ADCK1: variants seen among roughly 807,000 people sequenced by gnomAD.
ADCK1 encodes aarF domain-containing protein kinase 1.
In ADCK1, 41 loss-of-function variants were observed where a neutral mutation model predicts 52.3. The ratio of observed to expected loss-of-function variants is 0.78; its 90% CI spans 0.61 to 1.02. The LOEUF is 1.02. Among genes scored for constraint, ADCK1 ranks in the 50% least tolerant of loss-of-function variants. The pLI is 0.00. For synonymous variants in ADCK1, 250 were observed against 274.6 expected (o/e 0.91, Z 0.89); for missense variants, 658 against 679.5 (o/e 0.97, Z 0.35).
intron 4 of ADCK1, 35 bp downstream of exon 4, chr14:77,859,314 G>C: frequency 3.1e-6 from 5 of 1,592,304 alleles, no homozygotes; most frequent in Admixed American, 1.7e-5. Flanking sequence ...GGCCTTGGTT[G>C]GGATGCTTCA....
Position 77,887,298 on chromosome 14 carries a change from TG to T in ADCK1, c.582+52del, listed in dbSNP as rs149600399. 2,217 of 1,491,746 alleles carry T rather than the reference TG, an allele frequency of 1.5e-3. 42 individuals are homozygous for T. The African/African-American group carries it at 0.029, about 19-fold the overall frequency. The allele number at this position is 1,491,746 out of a possible 1,614,324, so 92.4% of individuals were successfully genotyped here. On this transcript the variant is annotated intron_variant, in intron 5 of 10. Transcript: ENST00000238561. ...CCTGTGTCCTCAGTCTACATTTCCC[TG>T]GGATCCAGGCCACCTAGGTGGAACT...
intron 3 of ADCK1, among the ~76,000 whole-genome samples, chr14:77,839,538 C>G (rs554071066): frequency 1.3e-5 from 2 of 152,226 alleles, no homozygotes; most frequent in East Asian, 1.9e-4. Flanking sequence ...CAACCCTCCC[C>G]GTGCCTGTGT....
chr14:77,835,753 A>G (rs116036247), intron 3 of ADCK1, among the ~76,000 whole-genome samples: 3,989 of 152,224 alleles, frequency 0.026, 168 homozygotes, highest in African/African-American at 0.092. Context: ...CTCCCATCTT[A>G]GCCTCCCGAA....
Position 77,859,197 on chromosome 14 carries a change from C to T in ADCK1, c.341C>T (p.Thr114Met), listed in dbSNP as rs552612645. 9 of 1,614,034 alleles carry T rather than the reference C, an allele frequency of 5.6e-6. No homozygotes were observed. The African/African-American group carries it at 6.7e-5, about 12-fold the overall frequency. ...CTGTTGCCAGAGGAGTACACCAGCA[C>T]GCTGAAGGTACTGCACAGCCAGGCT... Reference protein sequence around the residue: ...DYLLPEEYTSTLKVLHSQAPQ... With the variant: ...DYLLPEEYTSMLKVLHSQAPQ... The change falls in exon 4 of 11, where the codon ACG becomes ATG. Residue 114 changes from threonine to methionine, a missense_variant. Physicochemically the swap from Thr to Met is moderately conservative, Grantham distance 81 (BLOSUM62 -1). Transcript: ENST00000238561.
chr14:77,841,965 G>T (rs2082077589), intron 3 of ADCK1, among the ~76,000 whole-genome samples: 1 of 151,874 alleles, frequency 6.6e-6, no homozygotes, highest in South Asian at 2.1e-4. Flanking sequence ...TTCTAGACCA[G>T]CTGTAGTCCC....
At chr14:77,912,196 C>G (rs1023492600) in intron 7 of ADCK1, among the ~76,000 whole-genome samples, 1 of 152,178 alleles carries the variant, frequency 6.6e-6, no homozygotes. Flanking sequence ...TCCCCAGTCC[C>G]TGGCTTTTAG....
At chr14:77,865,940 G>C (rs1337762050) in intron 4 of ADCK1, among the ~76,000 whole-genome samples, 1 of 152,138 alleles carries the variant, frequency 6.6e-6, no homozygotes, top group Non-Finnish European at 1.5e-5. Context: ...GCAGGTACTG[G>C]GGTTCTGAGA....
chr14:77,889,685 G>A (rs2083238746), intron 5 of ADCK1, among the ~76,000 whole-genome samples: 1 of 152,144 alleles, frequency 6.6e-6, no homozygotes, highest in Non-Finnish European at 1.5e-5. Flanking sequence ...TAAGGGGATC[G>A]GGATGCCTCT....
At chr14:77,868,707 G>T (rs1566684075) in intron 4 of ADCK1, among the ~76,000 whole-genome samples, 1 of 152,094 alleles carries the variant, frequency 6.6e-6, no homozygotes, top group Non-Finnish European at 1.5e-5. Context: ...GCAGATAAAA[G>T]GCCTCAACCC....
intron 3 of ADCK1, among the ~76,000 whole-genome samples, chr14:77,833,079 C>T (rs923823809): frequency 6.6e-6 from 1 of 152,176 alleles, no homozygotes; most frequent in Non-Finnish European, 1.5e-5. Context: ...GGGCAGAAGG[C>T]ATGAAATCAC....
At position 77,829,799 on chromosome 14, in the gene ADCK1, A is replaced by G. The variant is rs558396485; in HGVS notation, c.219+7281A>G. Among the ~76,000 whole-genome samples, 6 of 151,484 alleles carry G rather than the reference A, an allele frequency of 4.0e-5. No individual in the cohort carries two copies. In the South Asian group the frequency reaches 1.3e-3, roughly 32 times the overall value. ...ACTGAAGCATTCATGAGCAGAGACAATGGTCTGAAATAGGTGAGGTTGAAT... is the reference window on the plus strand; with the variant it reads ...ACTGAAGCATTCATGAGCAGAGACAGTGGTCTGAAATAGGTGAGGTTGAAT... On this transcript the variant is annotated intron_variant, in intron 3 of 10. Coordinates refer to ENST00000238561, the MANE Select transcript of ADCK1 (RefSeq NM_020421.4).
chr14:77,926,358 G>T (rs990536508), intron 9 of ADCK1, among the ~76,000 whole-genome samples: 6 of 152,218 alleles, frequency 3.9e-5, no homozygotes, highest in African/African-American at 1.4e-4. Context: ...TACTTCTGCT[G>T]TGTCCTGCCT....
intron 5 of ADCK1, among the ~76,000 whole-genome samples, chr14:77,891,773 G>C (rs1053797198): frequency 3.9e-5 from 6 of 152,134 alleles, no homozygotes; most frequent in Non-Finnish European, 2.9e-5. Flanking sequence ...AGCAGCACTG[G>C]GTAACACTGC....
chr14:77,810,779 C>T (rs2081324512), intron 1 of ADCK1, among the ~76,000 whole-genome samples: 1 of 152,130 alleles, frequency 6.6e-6, no homozygotes, highest in Admixed American at 6.5e-5. Flanking sequence ...GATTTGCCTG[C>T]CTCAGCCTCC....
chr14:77,828,095 TG>T (rs1027861355), intron 3 of ADCK1: 1 of 197,324 alleles, frequency 5.1e-6, no homozygotes, highest in Non-Finnish European at 1.0e-5. Flanking sequence ...CCCAAAGTGC[TG>T]GGATTACAGG....
At chr14:77,921,258 C>T (rs1359654885) in intron 7 of ADCK1, among the ~76,000 whole-genome samples, 10 of 128,828 alleles carry the variant, frequency 7.8e-5, no homozygotes, top group Admixed American at 2.8e-4. Context: ...ACCTGGGAGG[C>T]GGAGCTTGCA....
chr14:77,821,737 C>T (rs1014562655), intron 2 of ADCK1, among the ~76,000 whole-genome samples: 3 of 151,238 alleles, frequency 2.0e-5, no homozygotes, highest in African/African-American at 7.3e-5. Flanking sequence ...AAAAATTAGC[C>T]GAGTGTGGTG....
chr14:77,899,376 C>A, intron 6 of ADCK1, 118 bp downstream of exon 6: 1 of 1,341,416 alleles, frequency 7.5e-7, no homozygotes, highest in South Asian at 1.4e-5. Flanking sequence ...TTCCTGAGTC[C>A]TCTTACTGAG....
chr14:77,910,918 C>T (rs1477114237), intron 7 of ADCK1, among the ~76,000 whole-genome samples: 1 of 152,170 alleles, frequency 6.6e-6, no homozygotes, highest in Non-Finnish European at 1.5e-5. Context: ...GGTAGACATT[C>T]TTAAATTAGT....
Sources: allele counts gnomAD v4.1 joint callset (sites outside exome capture counted in the v4.1 genomes callset), GRCh38; gene constraint gnomAD v4.1.1; transcripts MANE v1.5; gene names NCBI Gene and HGNC (gene_info 2026-07-23, HGNC 2026-07-21).